EDAR: variants seen among roughly 807,000 people sequenced by gnomAD.
EDAR encodes ectodysplasin A receptor, also known as tumor necrosis factor receptor superfamily member EDAR.
In EDAR, 38 loss-of-function variants were observed where a neutral mutation model predicts 51.3. That is an observed-to-expected ratio of 0.74 (90% confidence interval 0.57 to 0.97). The LOEUF is 0.97. Among genes scored for constraint, EDAR ranks in the 50% least tolerant of loss-of-function variants. The pLI is 0.00. For synonymous variants in EDAR, 227 were observed against 242.1 expected (o/e 0.94, Z 0.58); for missense variants, 528 against 595.0 (o/e 0.89, Z 1.17).
At chr2:108,988,829 G>A (rs993487266) in intron 1 of EDAR, 131 bp downstream of exon 1, 2 of 152,196 alleles carry the variant, frequency 1.3e-5, no homozygotes, top group Admixed American at 6.5e-5. Context: ...AATCGGTAAA[G>A]CTTGTTCAAA....
intron 11 of EDAR, 36 bp from the exon 12 acceptor site, chr2:108,897,265 G>A (rs766388781): frequency 8.9e-6 from 14 of 1,577,374 alleles, no homozygotes; most frequent in Admixed American, 1.7e-5. Context: ...GATGTTGCAA[G>A]TCACAGTCAA....
intron 1 of EDAR, among the ~76,000 whole-genome samples, chr2:108,962,415 T>C (rs1363806945): frequency 2.6e-5 from 4 of 152,098 alleles, no homozygotes; most frequent in Non-Finnish European, 5.9e-5. Flanking sequence ...GGCTCACGCC[T>C]GTAATCCCAG....
intron 5 of EDAR, among the ~76,000 whole-genome samples, chr2:108,922,441 A>G (rs1269168095): frequency 6.6e-6 from 1 of 152,180 alleles, no homozygotes; most frequent in African/African-American, 2.4e-5. Flanking sequence ...GGGCTCATGC[A>G]TTGCTCCTCC....
chr2:108,967,983 C>T (rs1698176036), intron 1 of EDAR, among the ~76,000 whole-genome samples: 1 of 152,152 alleles, frequency 6.6e-6, no homozygotes, highest in Non-Finnish European at 1.5e-5. Flanking sequence ...CTCATGCACA[C>T]AGAACAGGAC....
At chr2:108,986,311 T>A (rs1474013482) in intron 1 of EDAR, among the ~76,000 whole-genome samples, 1 of 152,166 alleles carries the variant, frequency 6.6e-6, no homozygotes, top group Non-Finnish European at 1.5e-5. Context: ...TTCCTCTTGA[T>A]CCCTCGCCTC....
At chr2:108,930,691 ACACAGGGCTGTGTGTATCACAC>A (rs1697351618) in intron 2 of EDAR, among the ~76,000 whole-genome samples, 1 of 152,074 alleles carries the variant, frequency 6.6e-6, no homozygotes, top group Non-Finnish European at 1.5e-5. Flanking sequence ...CATCACATAG[ACACAGGGCTGTGTGTATCACAC>A]CACAAACAAG....
At chr2:108,932,249 C>T (rs1286174466) in intron 1 of EDAR, among the ~76,000 whole-genome samples, 5 of 152,082 alleles carry the variant, frequency 3.3e-5, no homozygotes, top group African/African-American at 1.2e-4. Context: ...GTTGGAGAGG[C>T]TGAGCGCGGT....
intron 1 of EDAR, among the ~76,000 whole-genome samples, chr2:108,962,700 A>AGTG (rs1169890898): frequency 2.3e-5 from 3 of 128,874 alleles, no homozygotes; most frequent in Admixed American, 8.0e-5. Flanking sequence ...AAAAAAAAAA[A>AGTG]AGAGAGAAAG....
chr2:108,949,643 T>C (rs1268497564), intron 1 of EDAR, among the ~76,000 whole-genome samples: 3 of 152,186 alleles, frequency 2.0e-5, no homozygotes, highest in African/African-American at 7.2e-5. Flanking sequence ...AACATAATCA[T>C]CTGAGGTTGG....
rs1697335617 is a variant in EDAR, at chr2:108,930,100, C to T, written c.174+20G>A. ...CCTCCCCTGAGAGCGCACCAGGCTC[C>T]AGGAGGGCTGGGTCCTTACCAGGTA... On this transcript the variant is annotated intron_variant, in intron 3 of 11. Transcript: ENST00000258443. 1.2e-6 allele frequency: 2 copies of T among 1,609,932 alleles called. No homozygotes were observed. Among genetic ancestry groups the T allele is most frequent in the Non-Finnish European group, 1.7e-6 (2 of 1,177,548 alleles).
chr2:108,911,264 C>T (rs1471473826), intron 6 of EDAR, among the ~76,000 whole-genome samples, 192 bp from the exon 7 acceptor site: 18 of 152,100 alleles, frequency 1.2e-4, no homozygotes, highest in Non-Finnish European at 2.5e-4. Flanking sequence ...CAGGACTGCC[C>T]ACAGCCCTGC....
intron 9 of EDAR, among the ~76,000 whole-genome samples, chr2:108,910,126 G>A (rs912670457): frequency 1.4e-4 from 22 of 152,180 alleles, no homozygotes; most frequent in African/African-American, 4.1e-4. Context: ...TGTGTTGGCC[G>A]CAACAGGCAT....
chr2:108,949,511 T>C (rs1697782013), intron 1 of EDAR, among the ~76,000 whole-genome samples: 2 of 152,228 alleles, frequency 1.3e-5, no homozygotes, highest in Admixed American at 1.3e-4. Flanking sequence ...GGACATCCAC[T>C]TCCTGCTGCC....
intron 1 of EDAR, among the ~76,000 whole-genome samples, chr2:108,979,454 G>GTC (rs1286163002): frequency 0.013 from 1,502 of 116,426 alleles, 35 homozygotes; most frequent in African/African-American, 0.058. Context: ...CTCTGTCTCT[G>GTC]TCTCTCTCTC....
intron 1 of EDAR, among the ~76,000 whole-genome samples, chr2:108,934,127 C>T (rs1023753211): frequency 6.6e-6 from 1 of 152,172 alleles, no homozygotes; most frequent in Non-Finnish European, 1.5e-5. Context: ...AAAACGTTCC[C>T]AGGTAAACCC....
intron 5 of EDAR, 152 bp downstream of exon 5, chr2:108,923,216 T>A (rs2105431167): frequency 1.3e-6 from 1 of 775,724 alleles, no homozygotes; most frequent in East Asian, 2.6e-5. Context: ...TTCATAGACC[T>A]GCCTGGACAG....
At chr2:108,943,575 G>C (rs1332693172) in intron 1 of EDAR, among the ~76,000 whole-genome samples, 2 of 152,200 alleles carry the variant, frequency 1.3e-5, no homozygotes, top group Non-Finnish European at 2.9e-5. Context: ...GAACCAGTGT[G>C]ACATGGGGCA....
At chr2:108,939,658 C>G (rs1160559018) in intron 1 of EDAR, among the ~76,000 whole-genome samples, 1 of 152,158 alleles carries the variant, frequency 6.6e-6, no homozygotes, top group Non-Finnish European at 1.5e-5. Context: ...ATTGCTATAC[C>G]CTCTTCTCTC....
intron 1 of EDAR, among the ~76,000 whole-genome samples, chr2:108,954,951 T>C (rs1327239761): frequency 1.3e-5 from 2 of 152,190 alleles, no homozygotes; most frequent in Non-Finnish European, 2.9e-5. Context: ...CCCAAAGTGC[T>C]GGGATTACAT....
Sources: gnomAD v4.1 joint callset for allele counts (sites outside exome capture counted in the v4.1 genomes callset) on GRCh38, gnomAD v4.1.1 for gene constraint, MANE v1.5 for transcripts, NCBI Gene and HGNC (gene_info 2026-07-23, HGNC 2026-07-21) for gene names.